PTPRK: variants seen among roughly 807,000 people sequenced by gnomAD.
PTPRK encodes receptor-type tyrosine-protein phosphatase kappa.
PTPRK carries 75 observed loss-of-function variants against 178.0 expected under a neutral mutation model. The ratio of observed to expected loss-of-function variants is 0.42; its 90% CI spans 0.35 to 0.51. The LOEUF is 0.51. PTPRK is among the 20% of genes least tolerant of loss of function. The probability of loss-of-function intolerance (pLI) is 0.02; values close to 1 mark genes in which losing one functional copy is unlikely to be tolerated. For synonymous variants in PTPRK, 637 were observed against 620.6 expected (o/e 1.03, Z -0.39); for missense variants, 1,441 against 1,797.8 (o/e 0.80, Z 3.59).
intron 7 of PTPRK, among the ~76,000 whole-genome samples, chr6:128,143,876 C>A (rs578216198): frequency 1.3e-3 from 203 of 152,296 alleles, no homozygotes; most frequent in Non-Finnish European, 2.1e-3. Context: ...CTGAAAGTGG[C>A]TGGATTTAAC....
Position 128,109,900 on chromosome 6 carries a change from T to G in PTPRK, c.1163-19908A>C, listed in dbSNP as rs563794075. On this transcript the variant is annotated intron_variant, in intron 7 of 29. Transcript: ENST00000368226. Reference sequence around the variant, plus strand: ...ATAAGTAAAGCAAGTGTATACACACTACTTTTTTGGGGGGGGAGGAGGAGA... The same window carrying G: ...ATAAGTAAAGCAAGTGTATACACACGACTTTTTTGGGGGGGGAGGAGGAGA... 5.3e-5 allele frequency among the ~76,000 whole-genome samples: 8 copies of G among 151,910 alleles called. No homozygotes were observed. In the South Asian group the frequency reaches 1.7e-3, roughly 32 times the overall value.
chr6:128,418,240 T>C (rs1843057162), intron 1 of PTPRK, among the ~76,000 whole-genome samples: 2 of 152,152 alleles, frequency 1.3e-5, no homozygotes, highest in African/African-American at 4.8e-5. Context: ...CCAAATAAAA[T>C]GTTACCTTTA....
chr6:128,407,609 C>G (rs6938739), intron 1 of PTPRK, among the ~76,000 whole-genome samples: 5,696 of 113,530 alleles, frequency 0.05, 162 homozygotes, highest in Middle Eastern at 0.11. Flanking sequence ...GTACTCCAGC[C>G]TGATGGACAG....
intron 7 of PTPRK, among the ~76,000 whole-genome samples, chr6:128,129,067 T>C (rs1195215874): frequency 6.6e-6 from 1 of 152,244 alleles, no homozygotes; most frequent in Non-Finnish European, 1.5e-5. Flanking sequence ...GAACCACGAT[T>C]TGTACAGATA....
At chr6:128,492,823 A>G (rs1854024753) in intron 1 of PTPRK, among the ~76,000 whole-genome samples, 1 of 152,180 alleles carries the variant, frequency 6.6e-6, no homozygotes, top group Non-Finnish European at 1.5e-5. Flanking sequence ...TGCCTTCCAA[A>G]AACCCCTTGC....
At chr6:128,144,940 T>A (rs1796265987) in intron 7 of PTPRK, among the ~76,000 whole-genome samples, 1 of 152,068 alleles carries the variant, frequency 6.6e-6, no homozygotes, top group Admixed American at 6.6e-5. Context: ...TGACCCAAAA[T>A]TAGGGAGGAA....
At chr6:128,249,298 T>TTAAAA (rs1554372270) in intron 3 of PTPRK, among the ~76,000 whole-genome samples, 28 of 132,852 alleles carry the variant, frequency 2.1e-4, no homozygotes, top group African/African-American at 6.5e-4. Flanking sequence ...TGGTGTGATT[T>TTAAAA]AAAAAAAAAA....
intron 3 of PTPRK, among the ~76,000 whole-genome samples, chr6:128,317,751 A>G (rs921099721): frequency 6.6e-6 from 1 of 152,098 alleles, no homozygotes; most frequent in African/African-American, 2.4e-5. Context: ...TGGCACCAAG[A>G]GCCATGTTCT....
intron 1 of PTPRK, among the ~76,000 whole-genome samples, chr6:128,464,620 C>CACAT (rs1421605369): frequency 4.5e-5 from 4 of 88,824 alleles, no homozygotes; most frequent in African/African-American, 1.7e-4. Context: ...TATACATATA[C>CACAT]ATATATATAT....
At chr6:128,016,016 C>A (rs1409932399) in intron 13 of PTPRK, among the ~76,000 whole-genome samples, 1 of 151,378 alleles carries the variant, frequency 6.6e-6, no homozygotes, top group Non-Finnish European at 1.5e-5. Context: ...ATATCTCTAC[C>A]TGTTTTTTTC....
chr6:128,417,595 A>G (rs947158890), intron 1 of PTPRK, among the ~76,000 whole-genome samples: 1 of 152,236 alleles, frequency 6.6e-6, no homozygotes, highest in African/African-American at 2.4e-5. Context: ...TTCTGGGTCT[A>G]TCACTATTAT....
chr6:128,068,906 A>C (rs1041035978), intron 11 of PTPRK, among the ~76,000 whole-genome samples: 5 of 151,612 alleles, frequency 3.3e-5, no homozygotes, highest in African/African-American at 1.2e-4. Context: ...AAAGACTTCC[A>C]TGAAAAAGAA....
At chr6:127,992,085 G>C (rs1776673609) in intron 19 of PTPRK, among the ~76,000 whole-genome samples, 1 of 151,796 alleles carries the variant, frequency 6.6e-6, no homozygotes, top group South Asian at 2.1e-4. Context: ...AGGGCCAGTA[G>C]TCAATTTAGA....
intron 5 of PTPRK, among the ~76,000 whole-genome samples, chr6:128,239,093 G>C (rs1813885500): frequency 1.4e-5 from 2 of 145,916 alleles, no homozygotes; most frequent in Admixed American, 1.4e-4. Flanking sequence ...AAAAAATCAT[G>C]ATGCCTATGT....
chr6:128,262,131 T>C (rs1818269228), intron 3 of PTPRK, among the ~76,000 whole-genome samples: 1 of 152,168 alleles, frequency 6.6e-6, no homozygotes, highest in South Asian at 2.1e-4. Flanking sequence ...CAGGTTTGGA[T>C]TCATCCCAAT....
chr6:128,340,886 A>C (rs1831571770), intron 2 of PTPRK: 1 of 369,214 alleles, frequency 2.7e-6, no homozygotes, highest in Non-Finnish European at 5.2e-6. Context: ...TTAGCCACTG[A>C]TCCACGCTTT....
chr6:128,120,474 A>C (rs1792281820), intron 7 of PTPRK, among the ~76,000 whole-genome samples: 1 of 152,044 alleles, frequency 6.6e-6, no homozygotes, highest in African/African-American at 2.4e-5. Flanking sequence ...CAGCATACAC[A>C]CTGCCACATG....
At chr6:128,354,231 G>GTTTTTTTTTTTTTTTTATTTTTTTTTT (rs1833618037) in intron 2 of PTPRK, among the ~76,000 whole-genome samples, 1 of 49,358 alleles carries the variant, frequency 2.0e-5, no homozygotes, top group Non-Finnish European at 3.2e-5. Flanking sequence ...TTTTGTTTAT[G>GTTTTTTTTTTTTTTTTATTTTTTTTTT]TTTTTTTTTT....
At chr6:128,250,856 C>T (rs149178058) in intron 3 of PTPRK, among the ~76,000 whole-genome samples, 36 of 152,222 alleles carry the variant, frequency 2.4e-4, no homozygotes, top group Non-Finnish European at 4.3e-4. Flanking sequence ...ACAGGTGATA[C>T]CAAAAGTGCA....
Sources: gnomAD v4.1 joint callset for allele counts (sites outside exome capture counted in the v4.1 genomes callset) on GRCh38, gnomAD v4.1.1 for gene constraint, MANE v1.5 for transcripts, NCBI Gene and HGNC (gene_info 2026-07-23, HGNC 2026-07-21) for gene names.